SPECC1L: variants seen among roughly 807,000 people sequenced by gnomAD.
SPECC1L encodes sperm antigen with calponin homology and coiled-coil domains 1 like.
A neutral mutation model predicts 116.8 loss-of-function variants in SPECC1L; 40 were observed. The observed-to-expected ratio is 0.34, with a 90% CI of 0.27 to 0.45. The LOEUF (loss-of-function observed/expected upper bound fraction) is 0.45. Ranked by LOEUF, SPECC1L falls within the 20% of genes least tolerant of loss-of-function variation. The pLI, the probability that SPECC1L is intolerant of heterozygous loss-of-function variation, is 1.00. For synonymous variants in SPECC1L, 504 were observed against 500.6 expected, an observed-to-expected ratio of 1.01 and a Z score of -0.09; for missense variants, 1,110 against 1,373.6, an observed-to-expected ratio of 0.81 and a Z score of 3.03.
At chr22:24,355,389 T>C (rs942419675) in intron 11 of SPECC1L, among the ~76,000 whole-genome samples, 1 of 151,894 alleles carries the variant, frequency 6.6e-6, no homozygotes, top group Non-Finnish European at 1.5e-5. Flanking sequence ...ACTAGGGAAA[T>C]TGTATGTATA....
rs1411291413 is a variant in SPECC1L at position 24,316,937 on chromosome 22, G to A, written c.307+3471G>A. ...CCCCCCCAACCTCCCTCCCAGACGG[G>A]GCGGCTGGCCGGGCCGAGGAGCTCC... On this transcript the variant is annotated intron_variant, in intron 4 of 16. Coordinates refer to ENST00000314328, the MANE Select transcript of SPECC1L (RefSeq NM_015330.6). Among the ~76,000 whole-genome samples the A allele has an allele frequency of 8.9e-4, 106 of 119,114 alleles. 14 individuals carry two copies. The highest frequency in any genetic ancestry group is 1.9e-3 in the Admixed American group (22 of 11,386). The allele number at this position is 119,114 out of a possible 152,430, so 78.1% of individuals were successfully genotyped here.
At chr22:24,345,973 G>C (rs946042989) in intron 10 of SPECC1L, among the ~76,000 whole-genome samples, 1 of 151,536 alleles carries the variant, frequency 6.6e-6, no homozygotes, top group African/African-American at 2.4e-5. Flanking sequence ...GAGCTGAGGG[G>C]TTTTAAGTGT....
At position 24,345,868 on chromosome 22, in the gene SPECC1L, G is replaced by A. The variant is rs62233132; in HGVS notation, c.2653-1218G>A. ...AAAGGGCTGGGCGAAATCTGTGGGA[G>A]TGAAGCACAAGAAAAACATAGACAA... is the stretch of plus-strand genomic sequence containing the variant. On this transcript the variant is annotated intron_variant, in intron 10 of 16. Coordinates refer to ENST00000314328, the MANE Select transcript of SPECC1L (RefSeq NM_015330.6). 7.8e-3 allele frequency among the ~76,000 whole-genome samples: 1,183 copies of A among 152,282 alleles called. 9 individuals are homozygous for A. The highest frequency in any genetic ancestry group is 0.024 in the South Asian group (116 of 4,824).
rs752701013 is a variant in SPECC1L at position 24,414,734 on chromosome 22, C to T, written c.*111C>T. On this transcript the variant is annotated 3_prime_UTR_variant, in exon 17 of 17. Transcript: ENST00000314328. ...TAAAGCTTCCAGCAACTCTGGGCTGCCCCACAGCGTGTGAGCCTCCAGCTC... is the reference window on the plus strand; with the variant it reads ...TAAAGCTTCCAGCAACTCTGGGCTGTCCCACAGCGTGTGAGCCTCCAGCTC... 1 of 917,148 alleles carries T rather than the reference C, an allele frequency of 1.1e-6. No individual in the cohort carries two copies. Among genetic ancestry groups the T allele is most frequent in the Non-Finnish European group, 1.7e-6 (1 of 578,150 alleles). The allele number at this position is 917,148 out of a possible 1,614,324, so 56.8% of individuals were successfully genotyped here.
rs368494060 is a variant in SPECC1L, at chr22:24,293,115, A to G, written c.-37-9080A>G. Among the ~76,000 whole-genome samples, 74 of 150,520 alleles carry G rather than the reference A, an allele frequency of 4.9e-4. No individual in the cohort carries two copies. The Middle Eastern group carries it at 0.021, about 42-fold the overall frequency. The stretch of plus-strand genomic sequence containing the variant: ...GGAAAGAAGTGGGATGTTGCTTACT[A>G]TACAGTTTTTTCAACATTTCTGCAT... On this transcript the variant is annotated intron_variant, in intron 2 of 16. Transcript: ENST00000314328.
chr22:24,323,157 A>G (rs55691574), intron 5 of SPECC1L: 27,581 of 956,280 alleles, frequency 0.029, 555 homozygotes, highest in African/African-American at 0.087. Flanking sequence ...GTGAGAGGAT[A>G]TGGCTGGTAT....
chr22:24,335,298 G>A (rs555425407), intron 9 of SPECC1L, among the ~76,000 whole-genome samples: 23 of 152,054 alleles, frequency 1.5e-4, no homozygotes, highest in African/African-American at 3.9e-4. Flanking sequence ...AAAATCCTTC[G>A]GTTGCTTATT....
intron 11 of SPECC1L, among the ~76,000 whole-genome samples, chr22:24,349,848 T>G (rs2041385767): frequency 6.6e-6 from 1 of 152,156 alleles, no homozygotes; most frequent in African/African-American, 2.4e-5. Context: ...GGCAAAAGAT[T>G]CCTAATCACC....
intron 2 of SPECC1L, among the ~76,000 whole-genome samples, chr22:24,287,892 A>G (rs2049072557): frequency 6.6e-6 from 1 of 152,038 alleles, no homozygotes; most frequent in South Asian, 2.1e-4. Flanking sequence ...TCGACCATCC[A>G]TTTGGGGTTG....
At chr22:24,299,291 G>A (rs1601516696) in intron 2 of SPECC1L, among the ~76,000 whole-genome samples, 1 of 152,126 alleles carries the variant, frequency 6.6e-6, no homozygotes, top group African/African-American at 2.4e-5. Context: ...AAGAACGGGG[G>A]TGAGGCATGG....
chr22:24,401,271 C>T (rs1345071512), intron 14 of SPECC1L, among the ~76,000 whole-genome samples: 1 of 152,204 alleles, frequency 6.6e-6, no homozygotes, highest in Non-Finnish European at 1.5e-5. Flanking sequence ...GATTGTGCAT[C>T]CTACAGAGTG....
At chr22:24,324,832 C>CA (rs2040786201) in intron 6 of SPECC1L, among the ~76,000 whole-genome samples, 1 of 152,190 alleles carries the variant, frequency 6.6e-6, no homozygotes, top group Non-Finnish European at 1.5e-5. Flanking sequence ...GCCTGGGTGA[C>CA]AGAGTGAGAC....
At chr22:24,343,596 G>T in intron 10 of SPECC1L, 1 of 363,184 alleles carries the variant, frequency 2.8e-6, no homozygotes, top group Non-Finnish European at 5.4e-6. Flanking sequence ...GAGTAGCTGG[G>T]ACTACAGGTG....
intron 2 of SPECC1L, among the ~76,000 whole-genome samples, chr22:24,290,817 G>C (rs573024877): frequency 1.3e-5 from 2 of 152,156 alleles, no homozygotes; most frequent in South Asian, 2.1e-4. Context: ...CATAAGAAAG[G>C]TTATGTATAT....
At chr22:24,275,060 A>C (rs1165494686) in intron 1 of SPECC1L, among the ~76,000 whole-genome samples, 1 of 152,116 alleles carries the variant, frequency 6.6e-6, no homozygotes, top group African/African-American at 2.4e-5. Context: ...AAGAAAAACA[A>C]CTCAGCTCAG....
rs114985390 is a variant in SPECC1L at position 24,335,632 on chromosome 22, C to T, written c.2560+1059C>T. ...AACTTTATTAACAGGCTACTAGAAT[C>T]TGTATTCTGTGATTATACACAAATG... On this transcript the variant is annotated intron_variant, in intron 9 of 16. Transcript: ENST00000314328. Among the ~76,000 whole-genome samples the T allele has an allele frequency of 7.6e-3, 1,164 of 152,294 alleles. 13 individuals are homozygous for T. The highest frequency in any genetic ancestry group is 0.026 in the African/African-American group (1,092 of 41,564).
rs1476158018 is a variant in SPECC1L, at chr22:24,415,435, T to C, written c.*812T>C. ...GTTTTTCTAGTTAACATTTTTGTTTTGTTACGAGCAATGCTGGAAAAGGTC... is the reference window on the plus strand; with the variant it reads ...GTTTTTCTAGTTAACATTTTTGTTTCGTTACGAGCAATGCTGGAAAAGGTC... On this transcript the variant is annotated 3_prime_UTR_variant, in exon 17 of 17. Coordinates refer to ENST00000314328, the MANE Select transcript of SPECC1L (RefSeq NM_015330.6). 1.3e-5 allele frequency: 2 copies of C among 152,736 alleles called. No homozygotes were observed. Among genetic ancestry groups the C allele is most frequent in the South Asian group, 2.1e-4 (1 of 4,838 alleles). The allele number at this position is 152,736 out of a possible 1,614,324, so 9.5% of individuals were successfully genotyped here. A position where few individuals can be genotyped will look rare whatever the true frequency, so the allele number is the denominator to read the frequency against.
At chr22:24,379,640 C>A (rs1475259588) in intron 14 of SPECC1L, among the ~76,000 whole-genome samples, 1 of 152,116 alleles carries the variant, frequency 6.6e-6, no homozygotes, top group Non-Finnish European at 1.5e-5. Flanking sequence ...TAGGAAAATT[C>A]TTTTTGTACA....
At chr22:24,302,414 G>T in intron 3 of SPECC1L, 30 bp downstream of exon 3, 1 of 1,612,484 alleles carries the variant, frequency 6.2e-7, no homozygotes, top group Non-Finnish European at 8.5e-7. Context: ...ATACATGATG[G>T]GTTTTTGGAG....
Sources: gnomAD v4.1 joint callset for allele counts (sites outside exome capture counted in the v4.1 genomes callset) on GRCh38, gnomAD v4.1.1 for gene constraint, MANE v1.5 for transcripts, NCBI Gene and HGNC (gene_info 2026-07-23, HGNC 2026-07-21) for gene names.